ASH1L: variants seen among roughly 807,000 people sequenced by gnomAD.
ASH1L encodes ASH1 like histone lysine methyltransferase.
ASH1L carries 23 observed loss-of-function variants against 269.0 expected under a neutral mutation model. The observed-to-expected ratio is 0.09, with a 90% CI of 0.06 to 0.12. The LOEUF is 0.12. Among genes scored for constraint, ASH1L ranks in the 10% least tolerant of loss-of-function variants. The pLI, the probability that ASH1L is intolerant of heterozygous loss-of-function variation, is 1.00. For missense variants in ASH1L, 2,912 were observed against 3,567.8 expected (o/e 0.82, Z 4.68); for synonymous variants, 1,187 against 1,253.5 (o/e 0.95, Z 1.12).
intron 2 of ASH1L, among the ~76,000 whole-genome samples, chr1:155,518,036 G>A (rs1442528157): frequency 2.0e-5 from 3 of 151,844 alleles, no homozygotes; most frequent in Non-Finnish European, 4.4e-5. Context: ...TCCTGACCTC[G>A]TGATCCGCCC....
intron 2 of ASH1L, among the ~76,000 whole-genome samples, chr1:155,517,783 C>T (rs1349402319): frequency 1.3e-5 from 2 of 149,428 alleles, no homozygotes; most frequent in Non-Finnish European, 3.0e-5. Context: ...ACATATATGG[C>T]CAATAATTTC....
At position 155,481,931 on chromosome 1, in the gene ASH1L, T is replaced by C; in HGVS notation, c.939A>G (p.Thr313=). ...CTAAGTTTTTATTAATGAATACCGC[T>C]GTAGTGCCAGTTCCCAGTTTTTTCA... is the stretch of plus-strand genomic sequence containing the variant. ...DSVKKLGTGT[T]AVFINKNLGK... is the part of the protein sequence containing the mutation. The change falls in exon 3 of 28, where the codon ACA becomes ACG. Residue 313 remains threonine (T), a synonymous_variant. Coordinates refer to ENST00000392403, the MANE Select transcript of ASH1L (RefSeq NM_018489.3). The C allele has an allele frequency of 6.2e-7, 1 of 1,614,214 alleles. No individual in the cohort carries two copies. Among genetic ancestry groups the C allele is most frequent in the Non-Finnish European group, 8.5e-7 (1 of 1,180,036 alleles).
chr1:155,538,873 A>G (rs1382682053), intron 1 of ASH1L, among the ~76,000 whole-genome samples: 2 of 152,140 alleles, frequency 1.3e-5, no homozygotes, highest in African/African-American at 2.4e-5. Flanking sequence ...TCCAGACAGT[A>G]TATCTGAAAC....
chr1:155,397,829 G>T (rs1199009041), intron 6 of ASH1L, among the ~76,000 whole-genome samples: 1 of 152,110 alleles, frequency 6.6e-6, no homozygotes, highest in Non-Finnish European at 1.5e-5. Flanking sequence ...CCAAAGTCTT[G>T]GGATTACAGG....
In ASH1L at chr1:155,462,576, T is replaced by A. The variant is rs116724756; in HGVS notation, c.4985-2678A>T. Among the ~76,000 whole-genome samples, 661 of 152,278 alleles carry A rather than the reference T, an allele frequency of 4.3e-3. 1 individual carries two copies. The highest frequency in any genetic ancestry group is 0.017 in the Middle Eastern group (5 of 294). On this transcript the variant is annotated intron_variant, in intron 3 of 27. Coordinates refer to ENST00000392403, the MANE Select transcript of ASH1L (RefSeq NM_018489.3). ...TCCATGGAGATCATTATTGGCAGCA[T>A]TATTGGCAGCAATTCCTGAGAAACT...
chr1:155,373,557 A>C (rs1656171994), intron 10 of ASH1L, among the ~76,000 whole-genome samples: 1 of 152,176 alleles, frequency 6.6e-6, no homozygotes, highest in Non-Finnish European at 1.5e-5. Context: ...CGGCCTCCCA[A>C]AATGCTAGGG....
At chr1:155,495,014 C>T (rs772287461) in intron 2 of ASH1L, among the ~76,000 whole-genome samples, 187 of 152,244 alleles carry the variant, frequency 1.2e-3, no homozygotes, top group Non-Finnish European at 2.0e-3. Flanking sequence ...GCGACAAATG[C>T]TGCTGACAAG....
At chr1:155,424,738 T>A (rs1220099204) in intron 5 of ASH1L, among the ~76,000 whole-genome samples, 1 of 152,228 alleles carries the variant, frequency 6.6e-6, no homozygotes, top group East Asian at 1.9e-4. Context: ...TAATGCTGTA[T>A]GTCTTTGTTT....
rs1018153220 is a variant in ASH1L at position 155,482,511 on chromosome 1, T to C, written c.421-62A>G. The C allele has an allele frequency of 2.4e-4, 354 of 1,503,438 alleles. 2 individuals are homozygous for C. Among genetic ancestry groups the C allele is most frequent in the Non-Finnish European group, 2.9e-4 (320 of 1,118,850 alleles). The allele number at this position is 1,503,438 out of a possible 1,614,324, so 93.1% of individuals were successfully genotyped here. ...AAACCTTACACCACTTTAGCTTAGC[T>C]TAACAATCCAACAAACTAATGGATC... is the stretch of plus-strand genomic sequence containing the variant. On this transcript the variant is annotated intron_variant, in intron 2 of 27. Coordinates refer to ENST00000392403, the MANE Select transcript of ASH1L (RefSeq NM_018489.3).
intron 3 of ASH1L, among the ~76,000 whole-genome samples, chr1:155,466,215 G>T (rs559994724): frequency 1.3e-5 from 2 of 152,160 alleles, no homozygotes; most frequent in Admixed American, 1.3e-4. Flanking sequence ...TTAGCCAGGC[G>T]TGGTGGCGGG....
Position 155,342,029 on chromosome 1 carries a change from A to G in ASH1L, c.8367T>C (p.Phe2789=). The change falls in exon 25 of 28, where the codon TTT becomes TTC. Residue 2789 remains phenylalanine, a synonymous_variant. Coordinates refer to ENST00000392403, the MANE Select transcript of ASH1L (RefSeq NM_018489.3). ...GATAGCGGTTCCGGTGGATCTTGTA[A>G]AACAGGTGTGCTGACTTGTCAAGCC... ...DYRLDKSAHL[F]YKIHRNRYPV... 3 of 1,614,090 alleles carry G rather than the reference A, an allele frequency of 1.9e-6. No homozygotes were observed. Among genetic ancestry groups the G allele is most frequent in the Non-Finnish European group, 2.5e-6 (3 of 1,180,030 alleles).
intron 4 of ASH1L, among the ~76,000 whole-genome samples, chr1:155,457,838 G>A (rs1230974770): frequency 6.6e-6 from 1 of 151,996 alleles, no homozygotes; most frequent in African/African-American, 2.4e-5. Context: ...AAAATATTTT[G>A]GTGATTTTCA....
intron 4 of ASH1L, among the ~76,000 whole-genome samples, chr1:155,441,387 C>A (rs1662551236): frequency 6.6e-6 from 1 of 150,426 alleles, no homozygotes; most frequent in Non-Finnish European, 1.5e-5. Context: ...GGCATACTGG[C>A]CAACAGATCC....
intron 4 of ASH1L, among the ~76,000 whole-genome samples, chr1:155,458,491 G>C (rs1042177542): frequency 1.4e-4 from 22 of 152,220 alleles, no homozygotes; most frequent in Non-Finnish European, 2.6e-4. Context: ...GAGGCCGGCA[G>C]ATCATCTGAG....
chr1:155,538,412 C>A (rs377165208), intron 1 of ASH1L, among the ~76,000 whole-genome samples: 1 of 151,850 alleles, frequency 6.6e-6, no homozygotes, highest in East Asian at 1.9e-4. Context: ...GGCTGGAATG[C>A]AATGGCGCAA....
chr1:155,360,278 C>T (rs1654829015), intron 13 of ASH1L, 23 bp downstream of exon 13: 1 of 1,460,228 alleles, frequency 6.8e-7, no homozygotes, highest in Non-Finnish European at 9.6e-7. Context: ...GTTCAATCTC[C>T]CTCTAGGATT....
In ASH1L at chr1:155,344,398, A is replaced by G; in HGVS notation, c.7891-125T>C. On this transcript the variant is annotated intron_variant, in intron 21 of 27. Transcript: ENST00000392403. Reference sequence around the variant, plus strand: ...CATTTCAATATACCACAGATATACAAAAAAGATGAAAGCAACTAGAGCTGT... The same window carrying G: ...CATTTCAATATACCACAGATATACAGAAAAGATGAAAGCAACTAGAGCTGT... The G allele has an allele frequency of 1.0e-5, 7 of 685,350 alleles. No individual in the cohort carries two copies. The South Asian group carries it at 1.4e-4, about 14-fold the overall frequency. The allele number at this position is 685,350 out of a possible 1,614,324, so 42.5% of individuals were successfully genotyped here.
chr1:155,534,400 A>G (rs1380978142), intron 1 of ASH1L, among the ~76,000 whole-genome samples: 1 of 150,728 alleles, frequency 6.6e-6, no homozygotes, highest in Non-Finnish European at 1.5e-5. Context: ...TTTAAGAGAC[A>G]TGTTAGATAT....
chr1:155,374,292 T>G lies in ASH1L; in HGVS notation c.6333-3309A>C, dbSNP rs550948752. Among the ~76,000 whole-genome samples the G allele has an allele frequency of 4.0e-5, 6 of 151,804 alleles. No homozygotes were observed. The East Asian group carries it at 1.2e-3, about 29-fold the overall frequency. On this transcript the variant is annotated intron_variant, in intron 10 of 27. Transcript: ENST00000392403. ...GTGAGCCGAGATGGTGCCACTGCAC[T>G]CCAGCCTGGGTGACAGAGCGAGACT... is the stretch of plus-strand genomic sequence containing the variant.
Sources: gnomAD v4.1 joint callset for allele counts (sites outside exome capture counted in the v4.1 genomes callset) on GRCh38, gnomAD v4.1.1 for gene constraint, MANE v1.5 for transcripts, NCBI Gene and HGNC (gene_info 2026-07-23, HGNC 2026-07-21) for gene names.